Variants in IARS2 observed in about 807,000 individuals in gnomAD.
IARS2 encodes isoleucyl-tRNA synthetase 2, mitochondrial, also known as isoleucine--tRNA ligase, mitochondrial.
Under a neutral mutation model 126.3 loss-of-function variants are expected in IARS2, and 56 were observed. The observed-to-expected ratio is 0.44, with a 90% CI of 0.36 to 0.55. The LOEUF (loss-of-function observed/expected upper bound fraction) is 0.55. Ranked by LOEUF, IARS2 falls within the 20% of genes least tolerant of loss-of-function variation. The probability of loss-of-function intolerance (pLI) is 0.00; values close to 1 mark genes in which losing one functional copy is unlikely to be tolerated. For synonymous variants in IARS2, 407 were observed against 441.1 expected (o/e 0.92, Z 0.97); for missense variants, 1,127 against 1,245.9 (o/e 0.90, Z 1.44).
intron 12 of IARS2, among the ~76,000 whole-genome samples, chr1:220,117,367 A>G (rs1204208916): frequency 6.6e-6 from 1 of 150,658 alleles, no homozygotes; most frequent in Non-Finnish European, 1.5e-5. Flanking sequence ...AATTTTATAT[A>G]TATATATTTT....
At chr1:220,096,055 G>T in intron 1 of IARS2, 49 bp from the exon 2 acceptor site, 1 of 1,065,868 alleles carries the variant, frequency 9.4e-7, no homozygotes. Flanking sequence ...TTAGACTCAG[G>T]AGTATGTATT....
chr1:220,110,975 C>A (rs1388283366), intron 11 of IARS2, 38 bp downstream of exon 11: 5 of 1,598,660 alleles, frequency 3.1e-6, no homozygotes, highest in Non-Finnish European at 4.3e-6. Flanking sequence ...TCGGGCATAT[C>A]ATTCCCTCAG....
In IARS2 at chr1:220,128,043, A is replaced by G. The variant is rs1015643501; in HGVS notation, c.1837+1200A>G. On this transcript the variant is annotated intron_variant, in intron 14 of 22. Transcript: ENST00000366922. ...ATGATGATGGCCCCACAAGATGATA[A>G]TACATCTGACTCCTGAACAACAGGG... 5.3e-5 allele frequency among the ~76,000 whole-genome samples: 8 copies of G among 152,270 alleles called. No homozygotes were observed. In the South Asian group the frequency reaches 1.4e-3, roughly 28 times the overall value.
chr1:220,098,231 CCTT>C (rs1458459712), intron 2 of IARS2, among the ~76,000 whole-genome samples: 2 of 152,168 alleles, frequency 1.3e-5, no homozygotes, highest in South Asian at 4.1e-4. Context: ...TGAAGAGAAA[CCTT>C]CTTGAAGCCC....
chr1:220,140,854 G>A (rs1657474869), intron 19 of IARS2, among the ~76,000 whole-genome samples: 1 of 151,752 alleles, frequency 6.6e-6, no homozygotes, highest in African/African-American at 2.4e-5. Context: ...CGTGGTGGCG[G>A]GTGCCTGTAG....
intron 12 of IARS2, among the ~76,000 whole-genome samples, chr1:220,115,187 C>T (rs1044427524): frequency 1.3e-5 from 2 of 152,112 alleles, no homozygotes; most frequent in Non-Finnish European, 2.9e-5. Flanking sequence ...ATTTTTTTCA[C>T]TTTATGTGTT....
Position 220,125,250 on chromosome 1 carries a change from C to T in IARS2, c.1654C>T (p.His552Tyr). The change falls in exon 13 of 23, where the codon CAT becomes TAT. Residue 552 changes from histidine (H) to tyrosine (Y), a missense_variant. Transcript: ENST00000366922. ...EYLINSQTTE[H>Y]IVKLVEQHGS... ...CCCCTGAAATAGCCAAACCACTGAG[C>T]ATATTGTTAAACTAGTGGAACAACA... 6.2e-7 allele frequency: 1 copy of T among 1,610,994 alleles called. No homozygotes were observed. Among genetic ancestry groups the T allele is most frequent in the Non-Finnish European group, 8.5e-7 (1 of 1,177,490 alleles).
At chr1:220,143,943 ATATG>A in intron 21 of IARS2, 2 of 1,192,266 alleles carry the variant, frequency 1.7e-6, no homozygotes, top group South Asian at 2.5e-5. Flanking sequence ...ATTTGTAAAT[ATATG>A]TATTACATCC....
chr1:220,123,628 C>T (rs909238521), intron 12 of IARS2, among the ~76,000 whole-genome samples: 1 of 152,104 alleles, frequency 6.6e-6, no homozygotes. Flanking sequence ...CGCCCGCCAC[C>T]ATGCCCGGCT....
Position 220,110,770 on chromosome 1 carries a change from G to GTTT in IARS2, c.1328-7_1328-5dup. 1.6e-6 allele frequency: 2 copies of GTTT among 1,243,408 alleles called. No individual in the cohort carries two copies. The highest frequency in any genetic ancestry group is 2.2e-6 in the Non-Finnish European group (2 of 905,694). The allele number at this position is 1,243,408 out of a possible 1,614,324, so 77.0% of individuals were successfully genotyped here. A position where few individuals can be genotyped will look rare whatever the true frequency, so the allele number is the denominator to read the frequency against. On this transcript the variant is annotated splice_polypyrimidine_tract_variant and intron_variant, in intron 10 of 22. Transcript: ENST00000366922. ...ACTTTTTAATTATGTCTAATTTGGT[G>GTTT]TTTTTTTTTTTAAAGTTATAAAGAT... is the stretch of plus-strand genomic sequence containing the variant.
intron 16 of IARS2, 199 bp from the exon 17 acceptor site, chr1:220,137,719 C>G: frequency 1.8e-6 from 1 of 555,228 alleles, no homozygotes. Context: ...GATTGCAGAG[C>G]ACGCTCTTTC....
Position 220,102,605 on chromosome 1 carries a change from G to T in IARS2, c.859+1G>T. 1 of 1,599,670 alleles carries T rather than the reference G, an allele frequency of 6.3e-7. No individual in the cohort carries two copies. The highest frequency in any genetic ancestry group is 8.6e-7 in the Non-Finnish European group (1 of 1,167,048). On this transcript the variant is annotated splice_donor_variant, in intron 6 of 22. Coordinates refer to ENST00000366922, the MANE Select transcript of IARS2 (RefSeq NM_018060.4). LOFTEE classifies it high-confidence loss of function. ...TCTCCAAAATTGGCATCTCTTATAG[G>T]TAAGATTTATTCATAGCTTGAGTGT... is the stretch of plus-strand genomic sequence containing the variant.
chr1:220,133,682 A>T (rs1484465362), intron 14 of IARS2, among the ~76,000 whole-genome samples: 1 of 152,212 alleles, frequency 6.6e-6, no homozygotes, highest in Non-Finnish European at 1.5e-5. Flanking sequence ...TTGAAAAGTC[A>T]TAAAGTATCA....
chr1:220,123,466 ATATT>A (rs766955677), intron 12 of IARS2, among the ~76,000 whole-genome samples: 42 of 152,090 alleles, frequency 2.8e-4, no homozygotes, highest in Middle Eastern at 3.4e-3. Flanking sequence ...TTTGTAGAGC[ATATT>A]TATTTATTTA....
At chr1:220,104,910 C>T (rs1050757771) in intron 8 of IARS2, among the ~76,000 whole-genome samples, 3 of 152,050 alleles carry the variant, frequency 2.0e-5, no homozygotes, top group African/African-American at 7.2e-5. Context: ...AATAAAGATA[C>T]AAAAACTGCC....
At chr1:220,103,702 C>T (rs1656627382) in intron 8 of IARS2, 140 bp downstream of exon 8, 3 of 552,062 alleles carry the variant, frequency 5.4e-6, no homozygotes, top group South Asian at 5.2e-5. Context: ...ATTGATTACA[C>T]TAAAGGAGAA....
chr1:220,125,225 C>G lies in IARS2; in HGVS notation c.1641-12C>G. 2 of 1,527,570 alleles carry G rather than the reference C, an allele frequency of 1.3e-6. No homozygotes were observed. Among genetic ancestry groups the G allele is most frequent in the Non-Finnish European group, 1.8e-6 (2 of 1,108,884 alleles). The allele number at this position is 1,527,570 out of a possible 1,614,324, so 94.6% of individuals were successfully genotyped here. A position where few individuals can be genotyped will look rare whatever the true frequency, so the allele number is the denominator to read the frequency against. On this transcript the variant is annotated splice_polypyrimidine_tract_variant and intron_variant, in intron 12 of 22. Transcript: ENST00000366922. ...TTAATTGAATAATTCTGCCATGTCC[C>G]CCCTGAAATAGCCAAACCACTGAGC...
intron 2 of IARS2, among the ~76,000 whole-genome samples, chr1:220,098,186 C>G (rs929920946): frequency 2.0e-5 from 3 of 152,126 alleles, no homozygotes; most frequent in Non-Finnish European, 4.4e-5. Flanking sequence ...TGCACCCGGC[C>G]AAAACAGTGG....
chr1:220,143,984 C>T, intron 21 of IARS2: 2 of 1,511,236 alleles, frequency 1.3e-6, no homozygotes, highest in South Asian at 1.1e-5. Context: ...AGGATTTTCC[C>T]TCCTGTGTGT....
Sources: allele counts gnomAD v4.1 joint callset (sites outside exome capture counted in the v4.1 genomes callset), GRCh38; gene constraint gnomAD v4.1.1; transcripts MANE v1.5; gene names NCBI Gene and HGNC (gene_info 2026-07-23, HGNC 2026-07-21).